Variants in KYAT1 observed in about 807,000 individuals in gnomAD.
The protein encoded by KYAT1 is kynurenine--oxoglutarate transaminase 1.
Under a neutral mutation model 52.4 loss-of-function variants are expected in KYAT1, and 47 were observed. The ratio of observed to expected loss-of-function variants is 0.90; its 90% CI spans 0.71 to 1.14. The LOEUF is 1.14. Ranked by LOEUF, KYAT1 falls within the 50% of genes most tolerant of loss-of-function variation. KYAT1 has a pLI of 0.00. For synonymous variants in KYAT1, 212 were observed against 209.6 expected (o/e 1.01, Z -0.10); for missense variants, 480 against 557.9 (o/e 0.86, Z 1.41).
chr9:128,876,968 G>A (rs987884125), intron 1 of KYAT1, among the ~76,000 whole-genome samples: 4 of 151,396 alleles, frequency 2.6e-5, no homozygotes, highest in East Asian at 3.9e-4. Context: ...GCACGATCTC[G>A]GCTCACTGCA....
At chr9:128,844,244 T>A (rs990611877) in intron 2 of KYAT1, among the ~76,000 whole-genome samples, 8 of 152,192 alleles carry the variant, frequency 5.3e-5, no homozygotes, top group Admixed American at 6.5e-5. Flanking sequence ...TAAATATGTC[T>A]AAAATGTGTC....
intron 1 of KYAT1, among the ~76,000 whole-genome samples, chr9:128,871,488 G>C (rs1031695081): frequency 6.6e-6 from 1 of 151,532 alleles, no homozygotes; most frequent in Non-Finnish European, 1.5e-5. Flanking sequence ...GAGGCAGGAG[G>C]ACTGGAGCTC....
intron 1 of KYAT1, among the ~76,000 whole-genome samples, chr9:128,880,566 C>T (rs1358413978): frequency 6.6e-6 from 1 of 151,710 alleles, no homozygotes; most frequent in Non-Finnish European, 1.5e-5. Flanking sequence ...CTCAGCCTCC[C>T]GAGTAGCTGG....
chr9:128,878,516 T>C (rs1427481651), intron 1 of KYAT1, among the ~76,000 whole-genome samples: 2 of 152,314 alleles, frequency 1.3e-5, no homozygotes, highest in East Asian at 3.9e-4. Flanking sequence ...TATTATATAA[T>C]GAATCCAAAT....
chr9:128,856,739 A>G (rs2119379703), intron 1 of KYAT1, among the ~76,000 whole-genome samples: 1 of 152,380 alleles, frequency 6.6e-6, no homozygotes, highest in East Asian at 1.9e-4. Context: ...TCAATAAACC[A>G]GGGGCACAAC....
chr9:128,879,662 C>G (rs1292171185), intron 1 of KYAT1, among the ~76,000 whole-genome samples: 1 of 152,192 alleles, frequency 6.6e-6, no homozygotes, highest in East Asian at 1.9e-4. Flanking sequence ...CCCATCTCTC[C>G]TTGAGTCTCC....
chr9:128,876,708 G>A (rs1205731277), intron 1 of KYAT1, among the ~76,000 whole-genome samples: 3 of 148,892 alleles, frequency 2.0e-5, no homozygotes, highest in Non-Finnish European at 4.5e-5. Context: ...CATGAGCCAC[G>A]GCACCCGGCC....
rs1323128637 is a variant in KYAT1, at chr9:128,836,063, AG to A, written c.698del (p.Pro233LeufsTer8). On this transcript the variant is annotated frameshift_variant, in exon 8 of 13. Transcript: ENST00000302586. LOFTEE classifies it high-confidence loss of function. ...GHQHISIASL[P>X]GMWERTLTIG... ...TGGTCAGGGTCCGTTCCCACATGCC[AG>A]GGAGGCTGGCTGCCCAAGGCCGAAC... is the stretch of plus-strand genomic sequence containing the variant. 10 of 1,613,706 alleles carry A rather than the reference AG, an allele frequency of 6.2e-6. No homozygotes were observed. The highest frequency in any genetic ancestry group is 8.5e-6 in the Non-Finnish European group (10 of 1,179,796).
chr9:128,870,312 T>C (rs1055274564), intron 1 of KYAT1, among the ~76,000 whole-genome samples: 5 of 152,170 alleles, frequency 3.3e-5, no homozygotes, highest in Non-Finnish European at 7.3e-5. Flanking sequence ...TGGAATGAAA[T>C]ATGTGCTGAC....
At chr9:128,868,819 C>T (rs998380342) in intron 1 of KYAT1, among the ~76,000 whole-genome samples, 3 of 151,776 alleles carry the variant, frequency 2.0e-5, no homozygotes, top group Non-Finnish European at 2.9e-5. Flanking sequence ...GATTCTCCTG[C>T]CTCAGCCTCC....
At chr9:128,848,342 T>C (rs900833359) in intron 1 of KYAT1, among the ~76,000 whole-genome samples, 2 of 114,044 alleles carry the variant, frequency 1.8e-5, no homozygotes, top group African/African-American at 6.3e-5. Context: ...AAAAAAAAAG[T>C]AAATGCCTGA....
chr9:128,879,413 T>G (rs1838497145), intron 1 of KYAT1, among the ~76,000 whole-genome samples: 1 of 152,162 alleles, frequency 6.6e-6, no homozygotes. Context: ...GCCTCATGGC[T>G]GTGAAGGCTC....
At chr9:128,838,926 C>A (rs185444505) in intron 3 of KYAT1, among the ~76,000 whole-genome samples, 1 of 146,130 alleles carries the variant, frequency 6.8e-6, no homozygotes, top group Non-Finnish European at 1.5e-5. Flanking sequence ...AGCAGCTTTG[C>A]GGGAGAGGCT....
intron 1 of KYAT1, among the ~76,000 whole-genome samples, chr9:128,866,614 G>T (rs1343472464): frequency 7.1e-6 from 1 of 141,814 alleles, no homozygotes; most frequent in African/African-American, 2.6e-5. Flanking sequence ...GAAAAGAAAA[G>T]AAAAGAAAAT....
In KYAT1 at chr9:128,833,473, C is replaced by CAAT; in HGVS notation, c.*108_*110dup. ...TCTGTGTCACGGAGAAGAGGTTTCC[C>CAAT]AATAGCATCTTCCCCAACCTAGAAA... On this transcript the variant is annotated 3_prime_UTR_variant, in exon 13 of 13. Coordinates refer to ENST00000302586, the MANE Select transcript of KYAT1 (RefSeq NM_004059.5). The CAAT allele has an allele frequency of 2.7e-6, 3 of 1,129,148 alleles. No homozygotes were observed. Among genetic ancestry groups the CAAT allele is most frequent in the Non-Finnish European group, 1.3e-6 (1 of 753,998 alleles). 69.9% of individuals were successfully genotyped at this position (1,129,148 alleles called of 1,614,324 possible).
In KYAT1 at chr9:128,860,186, G is replaced by A. The variant is rs112647665; in HGVS notation, c.-6-14775C>T. 746 of 152,248 alleles carry A rather than the reference G, an allele frequency of 4.9e-3. 3 individuals are homozygous for A. Among genetic ancestry groups the A allele is most frequent in the Admixed American group, 9.3e-3 (142 of 15,284 alleles). 9.4% of individuals were successfully genotyped at this position (152,248 alleles called of 1,614,324 possible). Reference sequence around the variant, plus strand: ...CTCCTCTTTTGTTTTTATTCAAGCCGTGAACCAATTGCATACTGCCACCCA... The same window carrying A: ...CTCCTCTTTTGTTTTTATTCAAGCCATGAACCAATTGCATACTGCCACCCA... On this transcript the variant is annotated intron_variant, in intron 1 of 12. Coordinates refer to ENST00000302586, the MANE Select transcript of KYAT1 (RefSeq NM_004059.5).
intron 1 of KYAT1, among the ~76,000 whole-genome samples, chr9:128,866,589 ACT>A (rs1023365108): frequency 2.7e-5 from 4 of 150,428 alleles, no homozygotes; most frequent in South Asian, 2.1e-4. Flanking sequence ...ACAGAGCGAG[ACT>A]CTGTCTCAAA....
chr9:128,863,887 G>A (rs1588132710), intron 1 of KYAT1, among the ~76,000 whole-genome samples: 3 of 152,058 alleles, frequency 2.0e-5, no homozygotes, highest in South Asian at 2.1e-4. Context: ...CCAGGTTCCC[G>A]CATAAGGCAG....
intron 1 of KYAT1, among the ~76,000 whole-genome samples, chr9:128,861,702 C>T (rs922158619): frequency 6.6e-6 from 1 of 152,224 alleles, no homozygotes; most frequent in African/African-American, 2.4e-5. Flanking sequence ...GAGGGACATT[C>T]CTTGGTGTCA....
Sources: gnomAD v4.1 joint callset for allele counts (sites outside exome capture counted in the v4.1 genomes callset) on GRCh38, gnomAD v4.1.1 for gene constraint, MANE v1.5 for transcripts, NCBI Gene and HGNC (gene_info 2026-07-23, HGNC 2026-07-21) for gene names.